The following BMP6 variants were observed in gnomAD, a reference collection of about 807,000 sequenced individuals.
BMP6 encodes bone morphogenetic protein 6, also known as VG-1-R.
In BMP6, 17 loss-of-function variants were observed where a neutral mutation model predicts 54.1. The observed-to-expected ratio is 0.31, with a 90% CI of 0.22 to 0.47. The LOEUF is 0.47. BMP6 is among the 20% of genes least tolerant of loss of function. BMP6 has a pLI of 1.00. For synonymous variants in BMP6, 328 were observed against 291.2 expected, an observed-to-expected ratio of 1.13 and a Z score of -1.28; for missense variants, 720 against 690.4, an observed-to-expected ratio of 1.04 and a Z score of -0.48.
At chr6:7,820,621 C>G (rs1758591550) in intron 1 of BMP6, among the ~76,000 whole-genome samples, 2 of 152,140 alleles carry the variant, frequency 1.3e-5, no homozygotes, top group South Asian at 4.1e-4. Context: ...AGAGCCTGGC[C>G]CAGCTGCTCA....
At chr6:7,868,859 C>CCCACCTCTCTCCCTCT (rs1282164271) in intron 4 of BMP6, among the ~76,000 whole-genome samples, 1 of 151,936 alleles carries the variant, frequency 6.6e-6, no homozygotes, top group Non-Finnish European at 1.5e-5. Context: ...CGACTCCCTG[C>CCCACCTCTCTCCCTCT]CCACCTCTCT....
At chr6:7,820,328 A>G (rs1402426596) in intron 1 of BMP6, among the ~76,000 whole-genome samples, 1 of 152,204 alleles carries the variant, frequency 6.6e-6, no homozygotes, top group African/African-American at 2.4e-5. Context: ...TCACCTCAAG[A>G]TGATAGATCC....
intron 1 of BMP6, among the ~76,000 whole-genome samples, chr6:7,794,130 G>A (rs1284822338): frequency 4.6e-5 from 7 of 152,222 alleles, no homozygotes; most frequent in Non-Finnish European, 8.8e-5. Context: ...TTGACTTGGA[G>A]ATTCTTTTTG....
chr6:7,780,735 A>G (rs1303144722), intron 1 of BMP6, among the ~76,000 whole-genome samples: 2 of 150,972 alleles, frequency 1.3e-5, no homozygotes, highest in African/African-American at 4.9e-5. Context: ...TTATTTTGAG[A>G]CAGTCTCACT....
At chr6:7,859,478 A>C (rs1759301161) in intron 2 of BMP6, among the ~76,000 whole-genome samples, 2 of 151,834 alleles carry the variant, frequency 1.3e-5, no homozygotes. Flanking sequence ...TGCCAGCCAC[A>C]TTCTGCCCGT....
intron 1 of BMP6, among the ~76,000 whole-genome samples, chr6:7,767,265 C>T (rs940789702): frequency 6.6e-6 from 1 of 152,060 alleles, no homozygotes; most frequent in African/African-American, 2.4e-5. Flanking sequence ...TGAGTCACAG[C>T]GCCTGGCGGA....
chr6:7,877,964 T>A (rs961814143), intron 4 of BMP6, among the ~76,000 whole-genome samples: 5 of 152,204 alleles, frequency 3.3e-5, no homozygotes, highest in Non-Finnish European at 4.4e-5. Flanking sequence ...AAAGGCTCAC[T>A]TTGTGCCTCT....
At chr6:7,758,796 A>AC (rs1757564447) in intron 1 of BMP6, among the ~76,000 whole-genome samples, 1 of 150,752 alleles carries the variant, frequency 6.6e-6, no homozygotes, top group Non-Finnish European at 1.5e-5. Context: ...CCCTCTCTCC[A>AC]CCCCCTTCCA....
chr6:7,776,900 A>C (rs557111946), intron 1 of BMP6, among the ~76,000 whole-genome samples: 1 of 152,360 alleles, frequency 6.6e-6, no homozygotes, highest in African/African-American at 2.4e-5. Context: ...GATATAAAAG[A>C]AGACATATAG....
chr6:7,781,581 C>T (rs2113169485), intron 1 of BMP6, among the ~76,000 whole-genome samples: 1 of 151,660 alleles, frequency 6.6e-6, no homozygotes. Context: ...TTGAGTCTCT[C>T]TCCATTCATT....
At chr6:7,813,313 T>A (rs1450992111) in intron 1 of BMP6, among the ~76,000 whole-genome samples, 3 of 146,250 alleles carry the variant, frequency 2.1e-5, no homozygotes, top group African/African-American at 7.5e-5. Context: ...GGGTTTTAAG[T>A]AAATCATTAC....
chr6:7,809,694 T>C (rs984557830), intron 1 of BMP6, among the ~76,000 whole-genome samples: 1 of 152,228 alleles, frequency 6.6e-6, no homozygotes, highest in Non-Finnish European at 1.5e-5. Context: ...AACATGGTTA[T>C]TACTGCAAAT....
intron 2 of BMP6, among the ~76,000 whole-genome samples, chr6:7,859,874 A>G (rs144486608): frequency 8.5e-4 from 129 of 152,196 alleles, no homozygotes; most frequent in African/African-American, 2.9e-3. Flanking sequence ...AAAGACGACA[A>G]TAGAGTTCCC....
chr6:7,854,033 T>C (rs139162348), intron 2 of BMP6, among the ~76,000 whole-genome samples: 122 of 152,332 alleles, frequency 8.0e-4, no homozygotes, highest in African/African-American at 2.9e-3. Context: ...AAGAATCATA[T>C]ACACTCAAAA....
chr6:7,776,723 T>G (rs953178975), intron 1 of BMP6, among the ~76,000 whole-genome samples: 1 of 152,234 alleles, frequency 6.6e-6, no homozygotes, highest in African/African-American at 2.4e-5. Flanking sequence ...CAATCATGAT[T>G]CACTGCAACC....
intron 1 of BMP6, among the ~76,000 whole-genome samples, chr6:7,759,316 G>A (rs1054587609): frequency 6.6e-5 from 10 of 152,138 alleles, no homozygotes; most frequent in South Asian, 2.1e-4. Context: ...GCAGTTCCAC[G>A]TGGAGGGGAC....
intron 4 of BMP6, among the ~76,000 whole-genome samples, chr6:7,878,567 C>A (rs932062760): frequency 1.3e-5 from 2 of 152,224 alleles, no homozygotes; most frequent in Admixed American, 6.5e-5. Flanking sequence ...CCCTCTCCCC[C>A]GTTCCTGGGC....
chr6:7,793,704 A>G (rs1758146736), intron 1 of BMP6, among the ~76,000 whole-genome samples: 1 of 152,220 alleles, frequency 6.6e-6, no homozygotes, highest in African/African-American at 2.4e-5. Context: ...GATAAAGCCT[A>G]TTAAAAAACA....
chr6:7,795,639 A>C (rs907461711), intron 1 of BMP6, among the ~76,000 whole-genome samples: 1 of 152,212 alleles, frequency 6.6e-6, no homozygotes, highest in Non-Finnish European at 1.5e-5. Flanking sequence ...GGCAACGAAG[A>C]GAGTGCATGG....
Sources: gnomAD v4.1 joint callset for allele counts (sites outside exome capture counted in the v4.1 genomes callset) on GRCh38, gnomAD v4.1.1 for gene constraint, MANE v1.5 for transcripts, NCBI Gene and HGNC (gene_info 2026-07-23, HGNC 2026-07-21) for gene names.